Variants in ZFHX3 observed in about 807,000 individuals in gnomAD.
The protein encoded by ZFHX3 is zinc finger homeobox protein 3.
A neutral mutation model predicts 279.1 loss-of-function variants in ZFHX3; 42 were observed. The ratio of observed to expected loss-of-function variants is 0.15; its 90% CI spans 0.12 to 0.19. The LOEUF (loss-of-function observed/expected upper bound fraction) is 0.19, where lower values mean the gene tolerates loss of function less well. Among genes scored for constraint, ZFHX3 ranks in the 10% least tolerant of loss-of-function variants. The probability of loss-of-function intolerance (pLI) is 1.00; values close to 1 mark genes in which losing one functional copy is unlikely to be tolerated. For synonymous variants in ZFHX3, 2,293 were observed against 1,957.8 expected (o/e 1.17, Z -4.52); for missense variants, 4,981 against 4,754.0 (o/e 1.05, Z -1.40).
chr16:72,990,331 CAG>C (rs1414477166), intron 1 of ZFHX3, among the ~76,000 whole-genome samples: 1 of 152,174 alleles, frequency 6.6e-6, no homozygotes, highest in Non-Finnish European at 1.5e-5. Flanking sequence ...AGAGAGAACA[CAG>C]AGTTTCGAAA....
intron 3 of ZFHX3, among the ~76,000 whole-genome samples, chr16:73,338,319 T>A (rs2015956759): frequency 6.6e-6 from 1 of 152,134 alleles, no homozygotes; most frequent in South Asian, 2.1e-4. Flanking sequence ...GTTTTATCCC[T>A]TTGAAACATG....
chr16:72,964,084 C>G (rs1961713146), intron 1 of ZFHX3, among the ~76,000 whole-genome samples: 1 of 152,202 alleles, frequency 6.6e-6, no homozygotes, highest in Non-Finnish European at 1.5e-5. Flanking sequence ...CCTGGGTGAT[C>G]CCCTGCTCTG....
intron 2 of ZFHX3, among the ~76,000 whole-genome samples, chr16:73,567,188 A>G (rs780962680): frequency 1.3e-5 from 2 of 152,158 alleles, no homozygotes; most frequent in Admixed American, 6.5e-5. Context: ...ATTGGACACT[A>G]ATCTCCTAAA....
chr16:73,003,513 C>CA (rs924984180), intron 1 of ZFHX3, among the ~76,000 whole-genome samples: 2 of 54,844 alleles, frequency 3.6e-5, no homozygotes, highest in African/African-American at 1.7e-4. Context: ...CATGGTGAGA[C>CA]CCCCCCCTCC....
chr16:73,327,435 C>T (rs1253891628), intron 3 of ZFHX3, among the ~76,000 whole-genome samples: 1 of 152,176 alleles, frequency 6.6e-6, no homozygotes, highest in Admixed American at 6.5e-5. Context: ...CCCCAACTTC[C>T]CTAGAAGCAG....
At chr16:72,873,351 T>C (rs1218084421) in intron 4 of ZFHX3, among the ~76,000 whole-genome samples, 2 of 152,276 alleles carry the variant, frequency 1.3e-5, no homozygotes, top group Middle Eastern at 3.4e-3. Context: ...TTGGAGAAAA[T>C]GGCAAATGTT....
intron 1 of ZFHX3, among the ~76,000 whole-genome samples, chr16:73,733,440 C>T (rs143485453): frequency 3.8e-4 from 58 of 152,244 alleles, no homozygotes; most frequent in African/African-American, 1.4e-3. Context: ...TCAGTAAAAA[C>T]AGATGTTAAA....
At chr16:72,955,019 G>C (rs1391257016) in intron 2 of ZFHX3, among the ~76,000 whole-genome samples, 2 of 152,188 alleles carry the variant, frequency 1.3e-5, no homozygotes, top group Non-Finnish European at 2.9e-5. Flanking sequence ...AGAACTGAAA[G>C]TTATGGCTGT....
chr16:73,654,233 T>C (rs1437125761), intron 2 of ZFHX3, among the ~76,000 whole-genome samples: 1 of 151,384 alleles, frequency 6.6e-6, no homozygotes, highest in African/African-American at 2.4e-5. Flanking sequence ...AAACTTCCTC[T>C]CAACACATTT....
intron 3 of ZFHX3, among the ~76,000 whole-genome samples, chr16:72,922,028 G>A (rs939637100): frequency 6.6e-6 from 1 of 152,166 alleles, no homozygotes; most frequent in Admixed American, 6.5e-5. Flanking sequence ...CATGGAGGGG[G>A]TCTCACTTCC....
intron 5 of ZFHX3, among the ~76,000 whole-genome samples, chr16:73,152,351 C>T (rs1399158523): frequency 6.6e-6 from 1 of 152,108 alleles, no homozygotes; most frequent in Non-Finnish European, 1.5e-5. Flanking sequence ...TTATTTTTAA[C>T]CCAAATTATT....
chr16:73,700,224 C>CA (rs1013425469), intron 1 of ZFHX3, among the ~76,000 whole-genome samples: 28 of 149,436 alleles, frequency 1.9e-4, no homozygotes, highest in South Asian at 1.5e-3. Context: ...GACTCTGTCT[C>CA]AAAAAAAAAG....
chr16:73,492,297 T>A (rs1284385737), intron 2 of ZFHX3, among the ~76,000 whole-genome samples: 2 of 152,066 alleles, frequency 1.3e-5, no homozygotes, highest in Admixed American at 1.3e-4. Flanking sequence ...ACCACCCAAT[T>A]CTGTAGATTT....
chr16:73,191,517 G>A (rs1021359207), intron 5 of ZFHX3, among the ~76,000 whole-genome samples: 7 of 152,022 alleles, frequency 4.6e-5, no homozygotes, highest in Admixed American at 6.6e-5. Flanking sequence ...AAGCTTTGAC[G>A]TAACGCTTGC....
At chr16:72,985,508 A>G (rs1277842466) in intron 1 of ZFHX3, among the ~76,000 whole-genome samples, 1 of 152,246 alleles carries the variant, frequency 6.6e-6, no homozygotes, top group Non-Finnish European at 1.5e-5. Context: ...GGCAGAGCTG[A>G]GAACAACATT....
intron 2 of ZFHX3, among the ~76,000 whole-genome samples, chr16:73,586,694 T>G (rs1156941774): frequency 2.6e-5 from 4 of 152,126 alleles, no homozygotes; most frequent in African/African-American, 9.7e-5. Context: ...AGGTTTTAAC[T>G]CATTTATGTT....
chr16:72,974,345 G>A (rs997153905), intron 1 of ZFHX3, among the ~76,000 whole-genome samples: 1 of 152,208 alleles, frequency 6.6e-6, no homozygotes, highest in African/African-American at 2.4e-5. Context: ...GGACAATGGG[G>A]AAAACCTGTA....
intron 2 of ZFHX3, among the ~76,000 whole-genome samples, chr16:73,631,898 T>TTC (rs139812596): frequency 0.014 from 1,798 of 129,940 alleles, 22 homozygotes; most frequent in Non-Finnish European, 0.017. Context: ...TAGAGTGGGA[T>TTC]TCTCTCTCTC....
chr16:72,796,306 C>T lies in ZFHX3; in HGVS notation c.6376G>A (p.Ala2126Thr), dbSNP rs147679383. 1,612 of 1,614,074 alleles carry T rather than the reference C, an allele frequency of 1.0e-3. 1 individual carries two copies. The highest frequency in any genetic ancestry group is 1.3e-3 in the Non-Finnish European group (1,493 of 1,180,018). The change falls in exon 9 of 10, where the codon GCG becomes ACG. Residue 2126 changes from alanine (A) to threonine (T), a missense_variant. Coordinates refer to ENST00000268489, the MANE Select transcript of ZFHX3 (RefSeq NM_006885.4). ...PQLGPVEPLP[A>T]DLAQLYQHQL... ...TGCTGGTAGAGTTGGGCCAGGTCCG[C>T]AGGCAGAGGCTCCACAGGTCCCAGC...
Sources: allele counts gnomAD v4.1 joint callset (sites outside exome capture counted in the v4.1 genomes callset), GRCh38; gene constraint gnomAD v4.1.1; transcripts MANE v1.5; gene names NCBI Gene and HGNC (gene_info 2026-07-23, HGNC 2026-07-21).